The following CNKSR1 variants were observed in gnomAD, a reference collection of about 807,000 sequenced individuals.
CNKSR1 encodes connector enhancer of kinase suppressor of Ras 1, also known as CNK homolog protein 1.
In CNKSR1, 88 loss-of-function variants were observed where a neutral mutation model predicts 95.6. That is an observed-to-expected ratio of 0.92 (90% CI 0.78 to 1.10). The LOEUF (loss-of-function observed/expected upper bound fraction) is 1.10, where lower values mean the gene tolerates loss of function less well. Among genes scored for constraint, CNKSR1 ranks in the 50% least tolerant of loss-of-function variants. The probability of loss-of-function intolerance (pLI) is 0.00; values close to 1 mark genes in which losing one functional copy is unlikely to be tolerated. For synonymous variants in CNKSR1, 355 were observed against 369.7 expected, an observed-to-expected ratio of 0.96 and a Z score of 0.46; for missense variants, 836 against 912.0, an observed-to-expected ratio of 0.92 and a Z score of 1.07.
chr1:26,189,882 G>A lies in CNKSR1; in HGVS notation c.*334G>A, dbSNP rs79960180. ...AACCAAATAAAGTCAATTTTTCTAA[G>A]AATGAGTCTACATGTAACTTTACTT... On this transcript the variant is annotated 3_prime_UTR_variant, in exon 21 of 21. Transcript: ENST00000361530. 6.5e-3 allele frequency: 3,443 copies of A among 527,320 alleles called. 62 individuals are homozygous for A. The highest frequency in any genetic ancestry group is 0.054 in the African/African-American group (2,833 of 52,606). The allele number at this position is 527,320 out of a possible 1,614,324, so 32.7% of individuals were successfully genotyped here.
intron 1 of CNKSR1, among the ~76,000 whole-genome samples, chr1:26,179,719 C>G (rs1238271988): frequency 1.3e-5 from 2 of 152,164 alleles, no homozygotes; most frequent in Non-Finnish European, 1.5e-5. Context: ...AAACTGGGCA[C>G]AGAGCAGTGC....
rs2124518916 is a variant in CNKSR1 at position 26,189,499 on chromosome 1, A to G, written c.2093A>G (p.His698Arg). The G allele has an allele frequency of 6.2e-7, 1 of 1,607,934 alleles. No homozygotes were observed. Among genetic ancestry groups the G allele is most frequent in the African/African-American group, 1.3e-5 (1 of 74,814 alleles). ...CCCTCTGACCCTGAAGAGCACTCCC[A>G]TCTCTGCCCCCTGACCTCAGAGAGC... ...SLPSDPEEHS[H>R]LCPLTSESSL... The change falls in exon 21 of 21, where the codon CAT becomes CGT. Residue 698 changes from histidine (H) to arginine (R), a missense_variant. By Grantham distance (29) the His-to-Arg change is conservative (BLOSUM62 0). Transcript: ENST00000361530.
At chr1:26,179,864 C>T (rs527485271) in intron 1 of CNKSR1, among the ~76,000 whole-genome samples, 2 of 152,164 alleles carry the variant, frequency 1.3e-5, no homozygotes, top group African/African-American at 2.4e-5. Flanking sequence ...GGCTGGGCGT[C>T]GTGGCTCACA....
chr1:26,188,966 G>A lies in CNKSR1; in HGVS notation c.1872+13G>A, dbSNP rs1294641671. On this transcript the variant is annotated intron_variant, in intron 20 of 20. Coordinates refer to ENST00000361530, the MANE Select transcript of CNKSR1 (RefSeq NM_006314.3). ...GAGCACACTCAAGGTCAGCTGGGGGGCTCTGGGCACAGCAAGGGACTAGGC... is the reference window on the plus strand; with the variant it reads ...GAGCACACTCAAGGTCAGCTGGGGGACTCTGGGCACAGCAAGGGACTAGGC... The A allele has an allele frequency of 1.2e-5, 19 of 1,612,354 alleles. No individual in the cohort carries two copies. Among genetic ancestry groups the A allele is most frequent in the Non-Finnish European group, 1.5e-5 (18 of 1,179,264 alleles).
Position 26,183,796 on chromosome 1 carries a change from T to C in CNKSR1, c.821T>C (p.Leu274Pro). The change falls in exon 9 of 21, where the codon CTG (leucine) becomes CCG (proline). Residue 274 changes from leucine (L) to proline (P), a missense_variant. Leu to Pro is a moderately conservative substitution (Grantham distance 98). Transcript: ENST00000361530. ...GAGCCAGCCGGACTCAGCTTAGTGC[T>C]GAAGAAGATCCCGATACCGGAGACC... is the stretch of plus-strand genomic sequence containing the variant. The part of the protein sequence containing the change: ...LREPAGLSLV[L>P]KKIPIPETPP... 1 of 1,612,844 alleles carries C rather than the reference T, an allele frequency of 6.2e-7. No individual in the cohort carries two copies.
Position 26,184,412 on chromosome 1 carries a change from C to G in CNKSR1, c.1012C>G (p.Leu338Val). Residue 338 changes from leucine (L) to valine (V), a missense_variant, in exon 12 of 21, where the codon CTT becomes GTT. Leu to Val is a conservative substitution (Grantham distance 32). Coordinates refer to ENST00000361530, the MANE Select transcript of CNKSR1 (RefSeq NM_006314.3). ...TCCCTCCCTGACAGACTCTGCCTCC[C>G]TTGGCCCTGAGCCCCTGCCCATCCC... Reference protein sequence around the residue: ...PSPAWTDSASLGPEPLPIPPE... With the variant: ...PSPAWTDSASVGPEPLPIPPE... The G allele has an allele frequency of 6.2e-7, 1 of 1,613,348 alleles. No individual in the cohort carries two copies. The highest frequency in any genetic ancestry group is 8.5e-7 in the Non-Finnish European group (1 of 1,179,614).
At chr1:26,179,771 A>T (rs773939258) in intron 1 of CNKSR1, among the ~76,000 whole-genome samples, 5 of 152,190 alleles carry the variant, frequency 3.3e-5, no homozygotes, top group Non-Finnish European at 7.3e-5. Context: ...GTGACTCCAT[A>T]GCCTCTTGTT....
intron 16 of CNKSR1, 134 bp downstream of exon 16, chr1:26,187,616 TTC>T: frequency 6.8e-6 from 5 of 739,280 alleles, no homozygotes; most frequent in African/African-American, 3.9e-5. Flanking sequence ...TCACTTCTCT[TTC>T]TCTTTTTTTT....
intron 3 of CNKSR1, 131 bp from the exon 4 acceptor site, chr1:26,181,726 C>G (rs1242327584): frequency 1.4e-5 from 11 of 812,262 alleles, no homozygotes; most frequent in Non-Finnish European, 2.1e-5. Context: ...TCAATCATCT[C>G]CTTTACTCTA....
chr1:26,181,870 C>T lies in CNKSR1; in HGVS notation c.406C>T (p.His136Tyr), dbSNP rs1462242771. Residue 136 changes from histidine (H) to tyrosine (Y), a missense_variant, in exon 4 of 21, where the codon CAC becomes TAC. Physicochemically the swap from His to Tyr is moderately conservative, Grantham distance 83. Transcript: ENST00000361530. ...LFWLSRYLFS[H>Y]LNDFSACQEI... is the part of the protein sequence containing the mutation. ...TTCCCCTGCCAGGTACCTCTTCTCC[C>T]ACTTAAATGATTTCTCAGCATGCCA... The T allele has an allele frequency of 6.2e-7, 1 of 1,613,976 alleles. No individual in the cohort carries two copies. The highest frequency in any genetic ancestry group is 1.3e-5 in the African/African-American group (1 of 74,930).
At chr1:26,182,161 C>T (rs550156859) in intron 4 of CNKSR1, 200 bp from the exon 5 acceptor site, 223 of 700,604 alleles carry the variant, frequency 3.2e-4, no homozygotes, top group African/African-American at 5.3e-5. Context: ...GGGGAGGGCA[C>T]GTGTGGTGAC....
chr1:26,178,277 CAG>C (rs575120609), intron 1 of CNKSR1, among the ~76,000 whole-genome samples: 99 of 152,324 alleles, frequency 6.5e-4, no homozygotes, highest in African/African-American at 2.3e-3. Context: ...TTCTTAGAGT[CAG>C]AAACTGACAC....
chr1:26,188,218 T>G lies in CNKSR1; in HGVS notation c.1455-16T>G. The G allele has an allele frequency of 6.2e-7, 1 of 1,613,212 alleles. No homozygotes were observed. The highest frequency in any genetic ancestry group is 8.5e-7 in the Non-Finnish European group (1 of 1,179,188). ...CAGTGGATGGAAACCCTGTGAGACC[T>G]GCTTGCTCTCCATAGGTGGGTGCGT... is the stretch of plus-strand genomic sequence containing the variant. On this transcript the variant is annotated splice_polypyrimidine_tract_variant and intron_variant, in intron 16 of 20. Transcript: ENST00000361530.
intron 6 of CNKSR1, among the ~76,000 whole-genome samples, chr1:26,182,975 A>G (rs2088672669): frequency 6.6e-6 from 1 of 152,050 alleles, no homozygotes; most frequent in Non-Finnish European, 1.5e-5. Flanking sequence ...GGTACCTCAG[A>G]AATCAGGGTC....
In CNKSR1 at chr1:26,189,401, G is replaced by C; in HGVS notation, c.1995G>C (p.Trp665Cys). ...TGTACTCAGAGGGCCTGGGGGCCTGGGGAGTGGCACAGGCTGAAGGCAGCT... is the reference window on the plus strand; with the variant it reads ...TGTACTCAGAGGGCCTGGGGGCCTGCGGAGTGGCACAGGCTGAAGGCAGCT... ...RELYSEGLGA[W>C]GVAQAEGSSH... Residue 665 changes from tryptophan (W) to cysteine (C), a missense_variant, in exon 21 of 21, where the codon TGG becomes TGC. Coordinates refer to ENST00000361530, the MANE Select transcript of CNKSR1 (RefSeq NM_006314.3). The C allele has an allele frequency of 1.2e-6, 2 of 1,613,936 alleles. No individual in the cohort carries two copies. The highest frequency in any genetic ancestry group is 1.7e-6 in the Non-Finnish European group (2 of 1,179,826).
chr1:26,189,101 C>A, intron 20 of CNKSR1, 148 bp downstream of exon 20: 2 of 1,284,812 alleles, frequency 1.6e-6, no homozygotes, highest in Middle Eastern at 2.6e-4. Flanking sequence ...GCGGGCTCAG[C>A]TGTGGACTGG....
chr1:26,183,153 T>G, intron 6 of CNKSR1, 44 bp from the exon 7 acceptor site: 10 of 1,598,774 alleles, frequency 6.3e-6, no homozygotes, highest in Non-Finnish European at 8.6e-6. Context: ...CTATTGGCCC[T>G]GTTGCCCCCC....
intron 1 of CNKSR1, among the ~76,000 whole-genome samples, chr1:26,178,981 C>A (rs546927395): frequency 6.6e-6 from 1 of 152,132 alleles, no homozygotes; most frequent in Non-Finnish European, 1.5e-5. Flanking sequence ...AGAATTCCTT[C>A]GAAGAGTGAG....
At chr1:26,180,235 G>T in intron 1 of CNKSR1, 1 of 598,594 alleles carries the variant, frequency 1.7e-6, no homozygotes, top group Non-Finnish European at 3.0e-6. Context: ...CGGTGAGTCT[G>T]CTGCTGCTGG....
Sources: gnomAD v4.1 joint callset for allele counts (sites outside exome capture counted in the v4.1 genomes callset) on GRCh38, gnomAD v4.1.1 for gene constraint, MANE v1.5 for transcripts, NCBI Gene and HGNC (gene_info 2026-07-23, HGNC 2026-07-21) for gene names.